Variants in ZNF185 observed in about 807,000 individuals in gnomAD.
ZNF185 encodes the protein zinc finger protein 185 with LIM domain.
In ZNF185, 56 loss-of-function variants were observed where a neutral mutation model predicts 58.6. The ratio of observed to expected loss-of-function variants is 0.95; its 90% CI spans 0.77 to 1.19. ZNF185 has a LOEUF of 1.19. ZNF185 is among the 50% of genes most tolerant of loss of function. ZNF185 has a pLI of 0.00. For missense variants in ZNF185, 627 were observed against 573.5 expected (o/e 1.09, Z -0.95); for synonymous variants, 230 against 215.9 (o/e 1.07, Z -0.57).
At chrX:152,901,144 A>T in the ZNF185 span, among the ~76,000 whole-genome samples, 2 of 112,040 alleles carry the variant, frequency 1.8e-5, no homozygotes, top group African/African-American at 6.5e-5. Flanking sequence ...AACAGTATCT[A>T]CCCACATTTA....
chrX:152,920,181 T>C (rs1639162677), intron 7 of ZNF185, 147 bp from the exon 9 acceptor site: 1 of 459,571 alleles, frequency 2.2e-6, no homozygotes, highest in Non-Finnish European at 3.7e-6. Flanking sequence ...CTTTGAATAG[T>C]CCTTGGAGCA....
exon 15 of ZNF185, chrX:152,938,150 G>A: frequency 8.4e-7 from 1 of 1,183,510 alleles, no homozygotes; most frequent in Non-Finnish European, 1.1e-6. Flanking sequence ...GGATGCAAAG[G>A]CAGACCCAAA....
At chrX:152,912,168 T>C (rs1368834342), upstream of ZNF185, among the ~76,000 whole-genome samples, 1 of 112,166 alleles carries the variant, frequency 8.9e-6, no homozygotes, top group African/African-American at 3.2e-5. Context: ...AAAAAAGAAA[T>C]TTCACTTGTG....
chrX:152,930,398 T>C (rs1312186420), intron 12 of ZNF185, among the ~76,000 whole-genome samples: 5 of 112,016 alleles, frequency 4.5e-5, no homozygotes, highest in Admixed American at 9.4e-5. Context: ...AGAATAGAGC[T>C]GAAATCATGA....
intron 15 of ZNF185, among the ~76,000 whole-genome samples, chrX:152,939,939 C>CA (rs2046982287): frequency 9.1e-6 from 1 of 110,300 alleles, no homozygotes; most frequent in Non-Finnish European, 1.9e-5. Flanking sequence ...CATGCCACCA[C>CA]GCCCAGCTAA....
chrX:152,929,230 C>T (rs1297539210), intron 12 of ZNF185, among the ~76,000 whole-genome samples: 1 of 108,760 alleles, frequency 9.2e-6, no homozygotes, highest in Non-Finnish European at 1.9e-5. Context: ...AGGGGTGGGT[C>T]AAGGAGGCCA....
intron 14 of ZNF185, among the ~76,000 whole-genome samples, chrX:152,934,830 C>T (rs1267163108): frequency 1.8e-5 from 2 of 111,692 alleles, no homozygotes; most frequent in Non-Finnish European, 3.8e-5. Flanking sequence ...CCTCTCCTCT[C>T]CTCTCCTTTT....
chrX:152,933,741 C>T (rs964149554), intron 14 of ZNF185, among the ~76,000 whole-genome samples: 9 of 112,697 alleles, frequency 8.0e-5, no homozygotes, highest in Non-Finnish European at 1.5e-4. Context: ...CAAAGAGCTA[C>T]AACCGCAAGA....
chrX:152,908,528 G>C, the ZNF185 span, among the ~76,000 whole-genome samples: 230 of 112,338 alleles, frequency 2.0e-3, 2 homozygotes, highest in Non-Finnish European at 3.6e-3. Flanking sequence ...GGCCTGCTCC[G>C]TGGGGTCCTG....
chrX:152,943,606 C>T (rs1204487016), intron 15 of ZNF185, among the ~76,000 whole-genome samples: 3 of 112,458 alleles, frequency 2.7e-5, no homozygotes, highest in African/African-American at 9.7e-5. Flanking sequence ...CTTTTTATGA[C>T]CCACATAGGT....
In ZNF185 at chrX:152,945,446, G is replaced by A. The variant is rs1056749445; in HGVS notation, c.1391G>A (p.Arg464Gln). 4 of 1,201,619 alleles carry A rather than the reference G, an allele frequency of 3.3e-6. No individual in the cohort carries two copies. The highest frequency in any genetic ancestry group is 4.5e-6 in the Non-Finnish European group (4 of 890,744). ...AGCGGATCTGAGCAACTTGTCAGAC[G>A]AGAGAGTTGTGGCAGCAGGTAAGGG... is the stretch of plus-strand genomic sequence containing the variant. Residue 464 changes from arginine (R) to glutamine (Q), a missense_variant, in exon 16 of 23, where the codon CGA (arginine) becomes CAA (glutamine). Physicochemically the swap from Arg to Gln is conservative, Grantham distance 43. Transcript: ENST00000449285.
intron 19 of ZNF185, among the ~76,000 whole-genome samples, chrX:152,966,452 TG>T (rs2050124212): frequency 1.8e-5 from 2 of 111,287 alleles, no homozygotes; most frequent in Admixed American, 9.5e-5. Context: ...ATTTCAGGAT[TG>T]GGCCTCTGGG....
At chrX:152,935,077 G>C (rs2046109265) in intron 14 of ZNF185, among the ~76,000 whole-genome samples, 1 of 111,595 alleles carries the variant, frequency 9.0e-6, no homozygotes, top group African/African-American at 3.3e-5. Context: ...ACCGACCTCA[G>C]CCTCCCAAAG....
chrX:152,923,044 A>G (rs1184587018), intron 11 of ZNF185, among the ~76,000 whole-genome samples: 1 of 112,306 alleles, frequency 8.9e-6, no homozygotes, highest in African/African-American at 3.2e-5. Flanking sequence ...ACCTTCTTGT[A>G]CTTTGTGCAG....
intron 16 of ZNF185, among the ~76,000 whole-genome samples, chrX:152,955,995 A>AC (rs1308754115): frequency 2.6e-5 from 1 of 39,165 alleles, no homozygotes; most frequent in Non-Finnish European, 4.3e-5. Flanking sequence ...ACTTTTAGTT[A>AC]CCTAGTTACC....
intron 13 of ZNF185, among the ~76,000 whole-genome samples, chrX:152,932,447 C>A (rs2045796063): frequency 8.9e-6 from 1 of 112,265 alleles, no homozygotes; most frequent in Admixed American, 9.4e-5. Context: ...CTGGGCATTT[C>A]TTCAGTGAGA....
At chrX:152,941,890 G>A (rs1388299927) in intron 15 of ZNF185, 2 of 1,074,561 alleles carry the variant, frequency 1.9e-6, no homozygotes, top group Non-Finnish European at 2.4e-6. Context: ...ACCGTCGCCG[G>A]CGGGAGGAAG....
intron 16 of ZNF185, among the ~76,000 whole-genome samples, chrX:152,956,259 TAAATA>T (rs2048818366): frequency 9.0e-6 from 1 of 111,726 alleles, no homozygotes; most frequent in Admixed American, 9.5e-5. Flanking sequence ...CTGCCTAAAT[TAAATA>T]AAATAAAGAA....
exon 23 of ZNF185, chrX:152,972,381 G>A (rs1454392592): frequency 9.0e-6 from 1 of 110,837 alleles, no homozygotes. Flanking sequence ...CCTCCCAAAG[G>A]CATAGGCTTG....
Sources: gnomAD v4.1 joint callset for allele counts (sites outside exome capture counted in the v4.1 genomes callset) on GRCh38, gnomAD v4.1.1 for gene constraint, MANE v1.5 for transcripts, NCBI Gene and HGNC (gene_info 2026-07-23, HGNC 2026-07-21) for gene names.